Variants in DACH1 observed in about 807,000 individuals in gnomAD.
The protein encoded by DACH1 is dachshund homolog 1.
DACH1 carries 12 observed loss-of-function variants against 54.2 expected under a neutral mutation model. The ratio of observed to expected loss-of-function variants is 0.22; its 90% CI spans 0.14 to 0.36. The LOEUF is 0.36. Among genes scored for constraint, DACH1 ranks in the 10% least tolerant of loss-of-function variants. The pLI is 1.00. For synonymous variants in DACH1, 386 were observed against 366.2 expected, an observed-to-expected ratio of 1.05 and a Z score of -0.62; for missense variants, 805 against 929.8, an observed-to-expected ratio of 0.87 and a Z score of 1.75.
At chr13:71,693,469 A>ATTTTTTT (rs748598587) in intron 1 of DACH1, among the ~76,000 whole-genome samples, 9 of 119,254 alleles carry the variant, frequency 7.5e-5, no homozygotes, top group African/African-American at 1.1e-4. Context: ...CGCCCGGCAA[A>ATTTTTTT]TTTTTTTTTT....
intron 1 of DACH1, among the ~76,000 whole-genome samples, chr13:71,692,106 C>T (rs1244140046): frequency 1.3e-5 from 2 of 151,704 alleles, no homozygotes; most frequent in Non-Finnish European, 2.9e-5. Flanking sequence ...GTACTTATAA[C>T]ATCTAATATT....
chr13:71,468,038 T>C lies in DACH1; in HGVS notation c.2083+7103A>G, dbSNP rs182981054. Among the ~76,000 whole-genome samples the C allele has an allele frequency of 1.6e-3, 249 of 152,208 alleles. 1 individual carries two copies. The highest frequency in any genetic ancestry group is 5.8e-3 in the African/African-American group (241 of 41,558). ...CCCACATCCCCCTTTTCAATCTAAA[T>C]AAAGACACTTTTAAATATGGAAAAC... On this transcript the variant is annotated intron_variant, in intron 10 of 10. Transcript: ENST00000613252.
At position 71,866,293 on chromosome 13, in the gene DACH1, ACTG is replaced by A. The variant is rs772099803; in HGVS notation, c.474_476del (p.Ser163del). 22 of 1,565,638 alleles carry A rather than the reference ACTG, an allele frequency of 1.4e-5. No homozygotes were observed. Among genetic ancestry groups the A allele is most frequent in the Admixed American group, 1.9e-5 (1 of 52,922 alleles). ...GGAGGGGGCCGCAGCTGCTGCTGCT[ACTG>A]CTGCTGCTGCTACTACTGCTGCTGC... On this transcript the variant is annotated inframe_deletion, in exon 1 of 11. Coordinates refer to ENST00000613252, the MANE Select transcript of DACH1 (RefSeq NM_080759.6).
intron 1 of DACH1, among the ~76,000 whole-genome samples, chr13:71,743,811 C>A (rs1884501083): frequency 1.3e-5 from 2 of 152,068 alleles, no homozygotes; most frequent in African/African-American, 4.8e-5. Context: ...CTTTTCATGT[C>A]TTTTTCAAAT....
At chr13:71,504,654 G>T (rs73521215) in intron 6 of DACH1, among the ~76,000 whole-genome samples, 2,179 of 152,202 alleles carry the variant, frequency 0.014, 57 homozygotes, top group African/African-American at 0.05. Context: ...TCAGGAGAAG[G>T]TTGGTCATGA....
intron 6 of DACH1, among the ~76,000 whole-genome samples, chr13:71,496,021 C>T (rs1219014091): frequency 6.6e-6 from 1 of 151,592 alleles, no homozygotes; most frequent in African/African-American, 2.4e-5. Context: ...TCACTTGAGG[C>T]CAGGAGTTAG....
chr13:71,826,491 C>T (rs911287849), intron 1 of DACH1, among the ~76,000 whole-genome samples: 4 of 152,070 alleles, frequency 2.6e-5, no homozygotes, highest in Middle Eastern at 3.4e-3. Flanking sequence ...CTCTAGATGG[C>T]ATTCCTAGGA....
At chr13:71,541,348 T>C (rs1883116168) in intron 6 of DACH1, among the ~76,000 whole-genome samples, 1 of 152,106 alleles carries the variant, frequency 6.6e-6, no homozygotes, top group Non-Finnish European at 1.5e-5. Flanking sequence ...GCTTTTAAAC[T>C]TTATTGTATG....
At chr13:71,505,747 T>C (rs1458306409) in intron 6 of DACH1, among the ~76,000 whole-genome samples, 1 of 152,162 alleles carries the variant, frequency 6.6e-6, no homozygotes, top group East Asian at 1.9e-4. Flanking sequence ...TATACTAAGA[T>C]TTCATAAGAA....
intron 10 of DACH1, among the ~76,000 whole-genome samples, chr13:71,442,476 T>C (rs2138096073): frequency 6.6e-6 from 1 of 152,262 alleles, no homozygotes; most frequent in East Asian, 1.9e-4. Flanking sequence ...TTGGCTATTG[T>C]GAATAATGCT....
At chr13:71,527,652 T>A (rs907033511) in intron 6 of DACH1, among the ~76,000 whole-genome samples, 3 of 152,214 alleles carry the variant, frequency 2.0e-5, no homozygotes, top group African/African-American at 7.2e-5. Context: ...TGGGCCCTCA[T>A]AAATCTTGCC....
chr13:71,707,645 T>G (rs1257901542), intron 1 of DACH1, among the ~76,000 whole-genome samples: 1 of 152,186 alleles, frequency 6.6e-6, no homozygotes, highest in Non-Finnish European at 1.5e-5. Context: ...AGAGGATAAT[T>G]TGTAATCAGA....
intron 1 of DACH1, among the ~76,000 whole-genome samples, chr13:71,816,631 C>T (rs9529917): frequency 0.18 from 3,826 of 21,192 alleles, 183 homozygotes; most frequent in African/African-American, 0.32. Flanking sequence ...TGTATATATA[C>T]ACACACATAT....
intron 3 of DACH1, among the ~76,000 whole-genome samples, chr13:71,608,752 G>T (rs1042316987): frequency 4.6e-5 from 7 of 152,000 alleles, no homozygotes; most frequent in African/African-American, 1.7e-4. Flanking sequence ...CTTGAGTATG[G>T]CAAATTCATT....
intron 1 of DACH1, among the ~76,000 whole-genome samples, chr13:71,708,967 C>T (rs928910719): frequency 1.3e-5 from 2 of 151,516 alleles, no homozygotes; most frequent in African/African-American, 4.9e-5. Context: ...ATTCTCCTGC[C>T]TCAGCCTCCC....
chr13:71,628,778 T>C (rs2138564182), intron 3 of DACH1, among the ~76,000 whole-genome samples: 1 of 152,222 alleles, frequency 6.6e-6, no homozygotes, highest in East Asian at 1.9e-4. Context: ...ATGAAAAATA[T>C]GTTGATGCTT....
At chr13:71,721,721 C>T (rs188866381) in intron 1 of DACH1, among the ~76,000 whole-genome samples, 28 of 151,804 alleles carry the variant, frequency 1.8e-4, no homozygotes, top group African/African-American at 4.8e-4. Flanking sequence ...TTATTTTGTG[C>T]GATATCATAA....
intron 4 of DACH1, among the ~76,000 whole-genome samples, chr13:71,562,266 C>G (rs1453320207): frequency 6.6e-6 from 1 of 152,010 alleles, no homozygotes; most frequent in African/African-American, 2.4e-5. Flanking sequence ...AATAGCAAAA[C>G]TGATATGTAG....
chr13:71,586,367 T>A (rs1403382116), intron 3 of DACH1, among the ~76,000 whole-genome samples: 1 of 152,170 alleles, frequency 6.6e-6, no homozygotes, highest in Non-Finnish European at 1.5e-5. Flanking sequence ...GTTGCTTCAA[T>A]CTTTTTTAAA....
Sources: gnomAD v4.1 joint callset for allele counts (sites outside exome capture counted in the v4.1 genomes callset) on GRCh38, gnomAD v4.1.1 for gene constraint, MANE v1.5 for transcripts, NCBI Gene and HGNC (gene_info 2026-07-23, HGNC 2026-07-21) for gene names.